Variants in CCBE1 observed in about 807,000 individuals in gnomAD.
CCBE1 encodes collagen and calcium-binding EGF domain-containing protein 1.
CCBE1 carries 37 observed loss-of-function variants against 50.0 expected under a neutral mutation model. The observed-to-expected ratio is 0.74, with a 90% CI of 0.57 to 0.97. CCBE1 has a LOEUF of 0.97. CCBE1 is among the 50% of genes least tolerant of loss of function. CCBE1 has a pLI of 0.00. For synonymous variants in CCBE1, 234 were observed against 203.7 expected (o/e 1.15, Z -1.27); for missense variants, 538 against 523.8 (o/e 1.03, Z -0.26).
At chr18:59,690,032 G>A (rs2144747507) in intron 2 of CCBE1, among the ~76,000 whole-genome samples, 1 of 152,220 alleles carries the variant, frequency 6.6e-6, no homozygotes, top group South Asian at 2.1e-4. Flanking sequence ...TCTTAAAAAG[G>A]TCCCAAAGGA....
chr18:59,595,114 C>CAAAAAAAAAAAAAA (rs546035209), intron 2 of CCBE1, among the ~76,000 whole-genome samples: 5 of 73,576 alleles, frequency 6.8e-5, no homozygotes, highest in South Asian at 9.8e-4. Context: ...GACTCTGTCT[C>CAAAAAAAAAAAAAA]AAAAAAAAAA....
In CCBE1 at chr18:59,434,462, T is replaced by TA. The variant is rs1319140421; in HGVS notation, c.*1445dup. ...GAAACAAGAGGGCCCTCAACAACGT[T>TA]ACAAAGGAGCAGATCATCCTTCTGG... On this transcript the variant is annotated 3_prime_UTR_variant, in exon 11 of 11. Coordinates refer to ENST00000439986, the MANE Select transcript of CCBE1 (RefSeq NM_133459.4). 6.6e-6 allele frequency: 1 copy of TA among 152,182 alleles called. No homozygotes were observed. The highest frequency in any genetic ancestry group is 1.9e-4 in the East Asian group (1 of 5,178). The allele number at this position is 152,182 out of a possible 1,614,324, so 9.4% of individuals were successfully genotyped here.
At chr18:59,575,673 GCAGTCTTTCCT>G (rs968325983) in intron 2 of CCBE1, among the ~76,000 whole-genome samples, 1 of 152,186 alleles carries the variant, frequency 6.6e-6, no homozygotes, top group African/African-American at 2.4e-5. Context: ...CTCATTTCAT[GCAGTCTTTCCT>G]CAGTCTTTCT....
chr18:59,583,676 T>TGC (rs757909495), intron 2 of CCBE1, among the ~76,000 whole-genome samples: 63 of 68,874 alleles, frequency 9.1e-4, no homozygotes, highest in Non-Finnish European at 1.7e-3. Context: ...TGTGTGTGTG[T>TGC]GTGTGCGCGC....
chr18:59,508,676 A>G (rs34527912), intron 2 of CCBE1, among the ~76,000 whole-genome samples: 2 of 151,016 alleles, frequency 1.3e-5, no homozygotes, highest in Non-Finnish European at 2.9e-5. Context: ...TAACTTATGT[A>G]AAATGGTTTA....
At chr18:59,497,582 G>A (rs961687617) in intron 2 of CCBE1, among the ~76,000 whole-genome samples, 1 of 152,204 alleles carries the variant, frequency 6.6e-6, no homozygotes, top group African/African-American at 2.4e-5. Flanking sequence ...AGAAAAGCAT[G>A]CAGAGGCGCT....
At chr18:59,542,131 G>A (rs1464365471) in intron 2 of CCBE1, among the ~76,000 whole-genome samples, 2 of 147,842 alleles carry the variant, frequency 1.4e-5, no homozygotes, top group Non-Finnish European at 3.0e-5. Flanking sequence ...CTGTGAGTGT[G>A]CCACTGCACC....
chr18:59,566,938 G>A (rs1296637026), intron 2 of CCBE1, among the ~76,000 whole-genome samples: 1 of 152,110 alleles, frequency 6.6e-6, no homozygotes, highest in Non-Finnish European at 1.5e-5. Flanking sequence ...GATAAACTAT[G>A]CAGAATTCTT....
chr18:59,551,621 CTAAA>C (rs1372630500), intron 2 of CCBE1, among the ~76,000 whole-genome samples: 1 of 152,218 alleles, frequency 6.6e-6, no homozygotes, highest in Non-Finnish European at 1.5e-5. Context: ...TAGCACATGA[CTAAA>C]TACTAATTAT....
chr18:59,685,825 C>T (rs1285529459), intron 2 of CCBE1: 1 of 152,178 alleles, frequency 6.6e-6, no homozygotes, highest in Non-Finnish European at 1.5e-5. Context: ...CGATTAGGAC[C>T]GTGCTTCTCA....
chr18:59,659,896 C>T (rs2054258961), intron 2 of CCBE1, among the ~76,000 whole-genome samples: 1 of 152,214 alleles, frequency 6.6e-6, no homozygotes, highest in South Asian at 2.1e-4. Context: ...GAGGTCCCCC[C>T]TCCCAGTTCT....
At position 59,461,511 on chromosome 18, in the gene CCBE1, T is replaced by G. The variant is rs79516440; in HGVS notation, c.553+5228A>C. Reference sequence around the variant, plus strand: ...ATTCCTGGTTACTGGTGTTTCAATTTTGTTTTACTGAAATATAAAATCAAA... The same window carrying G: ...ATTCCTGGTTACTGGTGTTTCAATTGTGTTTTACTGAAATATAAAATCAAA... On this transcript the variant is annotated intron_variant, in intron 5 of 10. Coordinates refer to ENST00000439986, the MANE Select transcript of CCBE1 (RefSeq NM_133459.4). 0.016 allele frequency among the ~76,000 whole-genome samples: 2,494 copies of G among 152,236 alleles called. 124 individuals carry two copies. In the East Asian group the frequency reaches 0.2, roughly 12 times the overall value.
At chr18:59,597,958 G>A (rs931126353) in intron 2 of CCBE1, among the ~76,000 whole-genome samples, 1 of 152,192 alleles carries the variant, frequency 6.6e-6, no homozygotes, top group Non-Finnish European at 1.5e-5. Flanking sequence ...AGAGCTTGGA[G>A]ACTCACAGCC....
intron 6 of CCBE1, among the ~76,000 whole-genome samples, chr18:59,452,129 C>T (rs747483589): frequency 2.0e-5 from 3 of 152,256 alleles, no homozygotes; most frequent in Admixed American, 6.5e-5. Context: ...GGAATGTTGC[C>T]GACTGGATGT....
intron 2 of CCBE1, among the ~76,000 whole-genome samples, chr18:59,627,964 G>A (rs976711124): frequency 2.6e-5 from 4 of 152,214 alleles, no homozygotes; most frequent in Non-Finnish European, 5.9e-5. Flanking sequence ...CACAATCCGG[G>A]TACTTTGGGA....
intron 2 of CCBE1, among the ~76,000 whole-genome samples, chr18:59,569,276 C>T (rs2144480355): frequency 6.6e-6 from 1 of 152,240 alleles, no homozygotes; most frequent in Non-Finnish European, 1.5e-5. Context: ...ACCGAAGACT[C>T]CTTCTAAATC....
At chr18:59,692,390 T>C (rs1268041638) in intron 2 of CCBE1, among the ~76,000 whole-genome samples, 1 of 152,152 alleles carries the variant, frequency 6.6e-6, no homozygotes, top group African/African-American at 2.4e-5. Flanking sequence ...TTAAAACTGC[T>C]CAAGGTCACA....
intron 2 of CCBE1, among the ~76,000 whole-genome samples, chr18:59,668,191 G>A (rs978027339): frequency 6.6e-6 from 1 of 152,042 alleles, no homozygotes; most frequent in Non-Finnish European, 1.5e-5. Context: ...AGGCTGAGGC[G>A]GGTGGATCAC....
chr18:59,611,136 G>A (rs769593370), intron 2 of CCBE1, among the ~76,000 whole-genome samples: 3 of 152,206 alleles, frequency 2.0e-5, no homozygotes, highest in Admixed American at 1.3e-4. Context: ...TCTCACCACC[G>A]GCTCTGCCTA....
Sources: allele counts gnomAD v4.1 joint callset (sites outside exome capture counted in the v4.1 genomes callset), GRCh38; gene constraint gnomAD v4.1.1; transcripts MANE v1.5; gene names NCBI Gene and HGNC (gene_info 2026-07-23, HGNC 2026-07-21).